The following UST variants were observed in gnomAD, a reference collection of about 807,000 sequenced individuals.
UST encodes the protein chondroitin sulfate 2-O-sulfotransferase.
UST carries 21 observed loss-of-function variants against 45.6 expected under a neutral mutation model. That is an observed-to-expected ratio of 0.46 (90% CI 0.33 to 0.66). The LOEUF (loss-of-function observed/expected upper bound fraction) is 0.66. UST is among the 30% of genes least tolerant of loss of function. The pLI is 0.02. For missense variants in UST, 463 were observed against 512.4 expected (o/e 0.90, Z 0.93); for synonymous variants, 215 against 200.6 (o/e 1.07, Z -0.61).
rs937234994 is a variant in UST, at chr6:148,907,156, G to A, written c.291+20127G>A. On this transcript the variant is annotated intron_variant, in intron 2 of 7. Transcript: ENST00000367463. The stretch of plus-strand genomic sequence containing the variant: ...AAAATCTCTGTTTGGTAGGATTAGT[G>A]TTTTCACTTGTATTCAGTCTGGCCA... Among the ~76,000 whole-genome samples the A allele has an allele frequency of 3.3e-5, 5 of 152,240 alleles. No individual in the cohort carries two copies. The East Asian group carries it at 7.7e-4, about 23-fold the overall frequency.
chr6:149,074,263 C>A lies in UST; in HGVS notation c.*147C>A. ...ACATGTTGGGGTCATTGGGAGATGC[C>A]CGGTTTTGCGGGTTTTATTTGTTTA... is the stretch of plus-strand genomic sequence containing the variant. On this transcript the variant is annotated 3_prime_UTR_variant, in exon 8 of 8. Transcript: ENST00000367463. 1.1e-6 allele frequency: 1 copy of A among 880,104 alleles called. No individual in the cohort carries two copies. Among genetic ancestry groups the A allele is most frequent in the South Asian group, 1.8e-5 (1 of 54,778 alleles). The allele number at this position is 880,104 out of a possible 1,614,324, so 54.5% of individuals were successfully genotyped here.
At chr6:148,888,998 A>G (rs1439558405) in intron 2 of UST, among the ~76,000 whole-genome samples, 1 of 152,246 alleles carries the variant, frequency 6.6e-6, no homozygotes, top group Admixed American at 6.5e-5. Flanking sequence ...AGACCATGGA[A>G]TCCAGAGCTG....
chr6:148,995,042 T>A (rs1455919862), intron 5 of UST, among the ~76,000 whole-genome samples: 1 of 152,032 alleles, frequency 6.6e-6, no homozygotes, highest in African/African-American at 2.4e-5. Flanking sequence ...TGTGTGTGTG[T>A]GAGACAGAGT....
intron 1 of UST, among the ~76,000 whole-genome samples, chr6:148,819,057 C>A (rs552376056): frequency 6.6e-6 from 1 of 152,292 alleles, no homozygotes; most frequent in Admixed American, 6.5e-5. Flanking sequence ...ATTGAATTTT[C>A]ACTTTCATGG....
intron 1 of UST, among the ~76,000 whole-genome samples, chr6:148,848,027 G>A (rs1398481507): frequency 1.3e-5 from 2 of 152,150 alleles, no homozygotes; most frequent in Non-Finnish European, 2.9e-5. Context: ...ATTTTTGTCA[G>A]CAAATTTGCT....
chr6:149,059,770 A>T (rs1328772357), intron 7 of UST, among the ~76,000 whole-genome samples: 6 of 152,208 alleles, frequency 3.9e-5, no homozygotes, highest in Non-Finnish European at 8.8e-5. Context: ...TCTGAGCATA[A>T]GTAGTGTGGA....
At chr6:149,056,406 C>T (rs951623436) in intron 7 of UST, among the ~76,000 whole-genome samples, 3 of 152,180 alleles carry the variant, frequency 2.0e-5, no homozygotes, top group Non-Finnish European at 4.4e-5. Flanking sequence ...CGCACCCGGC[C>T]TACCCCTGCT....
In UST at chr6:148,747,964, A is replaced by T. The variant is rs1036657155; in HGVS notation, c.247+287A>T. On this transcript the variant is annotated intron_variant, in intron 1 of 7. Transcript: ENST00000367463. Reference sequence around the variant, plus strand: ...CCCCCGCCCCACCTCCGCCACCCGGATCCGGACTGGGGCGGAGTGGATGGG... The same window carrying T: ...CCCCCGCCCCACCTCCGCCACCCGGTTCCGGACTGGGGCGGAGTGGATGGG... Among the ~76,000 whole-genome samples, 6 of 152,076 alleles carry T rather than the reference A, an allele frequency of 3.9e-5. No homozygotes were observed. The South Asian group carries it at 1.2e-3, about 32-fold the overall frequency.
chr6:148,932,237 A>T (rs80190707), intron 2 of UST, among the ~76,000 whole-genome samples: 3,709 of 152,260 alleles, frequency 0.024, 62 homozygotes, highest in Middle Eastern at 0.054. Context: ...AAAATTAGCC[A>T]GGCATGATGC....
At chr6:148,875,942 C>T (rs1350333482) in intron 1 of UST, among the ~76,000 whole-genome samples, 1 of 152,208 alleles carries the variant, frequency 6.6e-6, no homozygotes, top group Non-Finnish European at 1.5e-5. Context: ...TTTAATACAT[C>T]TAATTTACAT....
chr6:148,835,502 A>T (rs570464732), intron 1 of UST, among the ~76,000 whole-genome samples: 186 of 152,334 alleles, frequency 1.2e-3, no homozygotes, highest in African/African-American at 4.4e-3. Context: ...GGTATTGAAT[A>T]TTAGTCCCTG....
chr6:148,850,909 G>A (rs1778091682), intron 1 of UST, among the ~76,000 whole-genome samples: 1 of 152,172 alleles, frequency 6.6e-6, no homozygotes, highest in Admixed American at 6.5e-5. Context: ...CTTTCTACTG[G>A]CAACTCTCAT....
At chr6:148,877,006 T>TGG (rs66885717) in intron 1 of UST, among the ~76,000 whole-genome samples, 1 of 6,300 alleles carries the variant, frequency 1.6e-4, no homozygotes, top group Non-Finnish European at 2.8e-4. Context: ...ATATATGAGT[T>TGG]GGGGGGGGTC....
chr6:148,747,796 T>C, intron 1 of UST, 119 bp downstream of exon 1: 1 of 1,313,144 alleles, frequency 7.6e-7, no homozygotes, highest in Non-Finnish European at 9.9e-7. Flanking sequence ...CCCGGGTCTC[T>C]CCAGGTGCTA....
intron 1 of UST, among the ~76,000 whole-genome samples, chr6:148,802,915 GT>G (rs1224664230): frequency 4.6e-5 from 7 of 152,130 alleles, no homozygotes; most frequent in African/African-American, 1.7e-4. Context: ...GAGCTTCATT[GT>G]TTTGTAAGGA....
At chr6:148,936,773 G>A (rs1442049821) in intron 2 of UST, among the ~76,000 whole-genome samples, 2 of 152,004 alleles carry the variant, frequency 1.3e-5, no homozygotes, top group African/African-American at 4.8e-5. Context: ...TCAGCTCACT[G>A]CAATCTCTGC....
At chr6:148,796,969 T>C (rs1776963149) in intron 1 of UST, among the ~76,000 whole-genome samples, 2 of 151,814 alleles carry the variant, frequency 1.3e-5, no homozygotes, top group South Asian at 4.2e-4. Context: ...TGTCCGGCTA[T>C]GTTTTGTATT....
At chr6:148,979,948 C>T (rs1781096804) in intron 5 of UST, among the ~76,000 whole-genome samples, 2 of 152,012 alleles carry the variant, frequency 1.3e-5, no homozygotes, top group African/African-American at 2.4e-5. Context: ...TGTGCAAAGC[C>T]CAGGTGTTAA....
At position 148,863,655 on chromosome 6, in the gene UST, G is replaced by C. The variant is rs549005389; in HGVS notation, c.248-23331G>C. 2.0e-5 allele frequency among the ~76,000 whole-genome samples: 3 copies of C among 152,274 alleles called. No homozygotes were observed. The East Asian group carries it at 5.8e-4, about 29-fold the overall frequency. On this transcript the variant is annotated intron_variant, in intron 1 of 7. Transcript: ENST00000367463. The stretch of plus-strand genomic sequence containing the variant: ...GTGGTTTTATCTACCTTTGGTCTTT[G>C]ATGATGGTGACATACAGATGGGGTT...
Sources: gnomAD v4.1 joint callset for allele counts (sites outside exome capture counted in the v4.1 genomes callset) on GRCh38, gnomAD v4.1.1 for gene constraint, MANE v1.5 for transcripts, NCBI Gene and HGNC (gene_info 2026-07-23, HGNC 2026-07-21) for gene names.